The following PTPRD variants were observed in gnomAD, a reference collection of about 807,000 sequenced individuals.
PTPRD encodes protein tyrosine phosphatase receptor type D.
In PTPRD, 34 loss-of-function variants were observed where a neutral mutation model predicts 214.5. The ratio of observed to expected loss-of-function variants is 0.16; its 90% CI spans 0.12 to 0.21. The LOEUF (loss-of-function observed/expected upper bound fraction) is 0.21. Among genes scored for constraint, PTPRD ranks in the 10% least tolerant of loss-of-function variants. The pLI is 1.00. For missense variants in PTPRD, 2,545 were observed against 2,398.7 expected (o/e 1.06, Z -1.27); for synonymous variants, 1,128 against 845.7 (o/e 1.33, Z -5.79).
intron 11 of PTPRD, chr9:8,861,161 A>G (rs2098096222): frequency 6.6e-6 from 1 of 152,200 alleles, no homozygotes; most frequent in Non-Finnish European, 1.5e-5. Flanking sequence ...GTTAGTTCCT[A>G]GAAGTACTTG....
chr9:8,556,024 G>C (rs1326023841), intron 14 of PTPRD, among the ~76,000 whole-genome samples: 1 of 152,170 alleles, frequency 6.6e-6, no homozygotes, highest in Non-Finnish European at 1.5e-5. Context: ...GGCGGATCTG[G>C]AAAGAGCATG....
intron 12 of PTPRD, among the ~76,000 whole-genome samples, chr9:8,641,589 G>A (rs893956884): frequency 1.5e-5 from 2 of 133,958 alleles, no homozygotes; most frequent in African/African-American, 4.0e-5. Flanking sequence ...GAGAAGCTAC[G>A]CATGCATATG....
chr9:10,054,751 C>A (rs1302468963), intron 3 of PTPRD, among the ~76,000 whole-genome samples: 4 of 152,202 alleles, frequency 2.6e-5, no homozygotes, highest in South Asian at 2.1e-4. Context: ...TTTAAAAATC[C>A]TCCTACCTTT....
At chr9:10,584,245 T>C (rs1428419199) in intron 2 of PTPRD, among the ~76,000 whole-genome samples, 1 of 151,768 alleles carries the variant, frequency 6.6e-6, no homozygotes, top group East Asian at 1.9e-4. Context: ...GGTCAATGCA[T>C]GAAAAAGCAT....
chr9:10,549,816 A>AT (rs5896402), intron 2 of PTPRD, among the ~76,000 whole-genome samples: 5,079 of 151,852 alleles, frequency 0.033, 144 homozygotes, highest in African/African-American at 0.08. Flanking sequence ...TTTTAAAAAG[A>AT]TTTTTTTTTA....
chr9:9,599,646 C>T (rs1052272041), intron 7 of PTPRD, among the ~76,000 whole-genome samples: 3 of 147,672 alleles, frequency 2.0e-5, no homozygotes, highest in African/African-American at 7.6e-5. Context: ...TTCTACTATA[C>T]CATTTTTTCT....
intron 35 of PTPRD, 86 bp downstream of exon 35, chr9:8,436,506 T>C (rs927725506): frequency 3.0e-6 from 3 of 1,005,368 alleles, no homozygotes; most frequent in Non-Finnish European, 3.1e-6. Context: ...GGAAAAGCAC[T>C]GATGAAGTTA....
intron 8 of PTPRD, among the ~76,000 whole-genome samples, chr9:9,447,875 G>A (rs927126092): frequency 1.3e-5 from 2 of 152,060 alleles, no homozygotes; most frequent in Non-Finnish European, 2.9e-5. Context: ...CAGCAAAAGA[G>A]GTCAGTGCCG....
At chr9:10,297,122 A>T (rs925863167) in intron 3 of PTPRD, among the ~76,000 whole-genome samples, 63 of 144,516 alleles carry the variant, frequency 4.4e-4, no homozygotes, top group Non-Finnish European at 3.3e-4. Flanking sequence ...TATATATATA[A>T]AATATATATA....
At chr9:10,001,611 C>T (rs933544849) in intron 4 of PTPRD, among the ~76,000 whole-genome samples, 18 of 152,178 alleles carry the variant, frequency 1.2e-4, no homozygotes, top group African/African-American at 4.3e-4. Flanking sequence ...ATTCAAAGCA[C>T]TGAAGAAAAA....
chr9:8,461,322 T>C (rs1458681460), intron 32 of PTPRD, among the ~76,000 whole-genome samples: 1 of 152,128 alleles, frequency 6.6e-6, no homozygotes, highest in East Asian at 1.9e-4. Context: ...GAGATTGGTA[T>C]GTTTGTTCTC....
At chr9:8,332,688 C>T (rs1048903068) in intron 43 of PTPRD, among the ~76,000 whole-genome samples, 2 of 151,904 alleles carry the variant, frequency 1.3e-5, no homozygotes, top group Non-Finnish European at 2.9e-5. Context: ...TAAGGTGTTT[C>T]TAGAAGTACA....
chr9:10,259,833 G>A (rs1263087349), intron 3 of PTPRD, among the ~76,000 whole-genome samples: 3 of 152,140 alleles, frequency 2.0e-5, no homozygotes, highest in African/African-American at 7.2e-5. Context: ...CAAAGTCCCA[G>A]GCAGAGAATC....
intron 7 of PTPRD, among the ~76,000 whole-genome samples, chr9:9,592,230 G>A (rs140625236): frequency 2.6e-5 from 4 of 152,040 alleles, no homozygotes; most frequent in Admixed American, 1.3e-4. Flanking sequence ...ATGGCCTTTT[G>A]CCTAAATTAT....
At chr9:10,433,537 A>C (rs1395836848) in intron 2 of PTPRD, among the ~76,000 whole-genome samples, 2 of 152,002 alleles carry the variant, frequency 1.3e-5, no homozygotes, top group African/African-American at 4.8e-5. Flanking sequence ...ACCTAGGAAG[A>C]AATATGCTCT....
At chr9:10,484,934 C>A (rs1438569535) in intron 2 of PTPRD, among the ~76,000 whole-genome samples, 1 of 151,964 alleles carries the variant, frequency 6.6e-6, no homozygotes, top group African/African-American at 2.4e-5. Context: ...AAATACTACC[C>A]AGATCAATGT....
intron 11 of PTPRD, among the ~76,000 whole-genome samples, chr9:8,848,673 G>A (rs1024348462): frequency 6.6e-6 from 1 of 151,872 alleles, no homozygotes; most frequent in Non-Finnish European, 1.5e-5. Context: ...TGGACGATGT[G>A]AGATAAATAT....
At chr9:9,997,852 AC>A (rs34260761) in intron 4 of PTPRD, among the ~76,000 whole-genome samples, 101,208 of 151,296 alleles carry the variant, frequency 0.67, 35,067 homozygotes, top group Middle Eastern at 0.86. Context: ...CATCATGGCC[AC>A]CCCCAGATAG....
chr9:9,441,763 T>G (rs180804146), intron 8 of PTPRD, among the ~76,000 whole-genome samples: 98 of 152,328 alleles, frequency 6.4e-4, no homozygotes, highest in Admixed American at 1.4e-3. Flanking sequence ...TGAATATTTA[T>G]GCTAAAATGA....
Sources: gnomAD v4.1 joint callset for allele counts (sites outside exome capture counted in the v4.1 genomes callset) on GRCh38, gnomAD v4.1.1 for gene constraint, MANE v1.5 for transcripts, NCBI Gene and HGNC (gene_info 2026-07-23, HGNC 2026-07-21) for gene names.